The following TMPRSS7 variants were observed in gnomAD, a reference collection of about 807,000 sequenced individuals.
TMPRSS7 encodes the protein transmembrane serine protease 7, also known as transmembrane protease serine 7.
A neutral mutation model predicts 95.6 loss-of-function variants in TMPRSS7; 81 were observed. That is an observed-to-expected ratio of 0.85 (90% CI 0.71 to 1.02). The LOEUF is 1.02. TMPRSS7 is among the 50% of genes least tolerant of loss of function. The pLI is 0.00. For missense variants in TMPRSS7, 945 were observed against 955.2 expected, an observed-to-expected ratio of 0.99 and a Z score of 0.14; for synonymous variants, 364 against 337.8, an observed-to-expected ratio of 1.08 and a Z score of -0.85.
intron 13 of TMPRSS7, among the ~76,000 whole-genome samples, chr3:112,067,552 G>A (rs914812594): frequency 6.6e-6 from 1 of 152,192 alleles, no homozygotes; most frequent in Non-Finnish European, 1.5e-5. Context: ...TCTCATTGTG[G>A]TTTTGATTTT....
At chr3:112,054,035 C>A (rs558097319) in intron 9 of TMPRSS7, among the ~76,000 whole-genome samples, 3 of 152,328 alleles carry the variant, frequency 2.0e-5, no homozygotes, top group Admixed American at 2.0e-4. Flanking sequence ...CCATGTAAGT[C>A]ACCTCCTTAT....
intron 11 of TMPRSS7, 60 bp downstream of exon 11, chr3:112,061,983 TA>T (rs1399267725): frequency 7.3e-7 from 1 of 1,365,788 alleles, no homozygotes; most frequent in African/African-American, 1.5e-5. Context: ...TAACATTTTA[TA>T]ATTCCAAACC....
intron 15 of TMPRSS7, among the ~76,000 whole-genome samples, chr3:112,076,172 T>G (rs951422940): frequency 6.6e-6 from 1 of 152,210 alleles, no homozygotes; most frequent in Non-Finnish European, 1.5e-5. Context: ...AGCAAATTAG[T>G]GACCAAAATT....
intron 12 of TMPRSS7, among the ~76,000 whole-genome samples, chr3:112,065,945 G>T (rs1453570832): frequency 6.6e-6 from 1 of 152,140 alleles, no homozygotes; most frequent in East Asian, 1.9e-4. Flanking sequence ...TCACATTCAT[G>T]AATTCATTCA....
intron 2 of TMPRSS7, among the ~76,000 whole-genome samples, chr3:112,041,468 C>G (rs2073207793): frequency 6.6e-6 from 1 of 152,196 alleles, no homozygotes; most frequent in Non-Finnish European, 1.5e-5. Context: ...TTCTCTCCCC[C>G]TCTACCCACT....
intron 10 of TMPRSS7, among the ~76,000 whole-genome samples, chr3:112,059,138 C>T (rs917773152): frequency 2.6e-5 from 4 of 152,058 alleles, no homozygotes; most frequent in Admixed American, 1.3e-4. Context: ...AGCTGGACTA[C>T]GGTATATGAA....
exon 16 of TMPRSS7, chr3:112,077,043 T>C (rs1410368687): frequency 6.2e-7 from 1 of 1,614,210 alleles, no homozygotes; most frequent in Admixed American, 1.7e-5. Flanking sequence ...CCTGAGACCC[T>C]GAAACAGCTC....
chr3:112,065,586 C>T (rs2073566915), intron 12 of TMPRSS7, among the ~76,000 whole-genome samples: 1 of 151,938 alleles, frequency 6.6e-6, no homozygotes, highest in South Asian at 2.1e-4. Flanking sequence ...TTTTTTGGAG[C>T]TATTCTCTAA....
At chr3:112,052,553 C>T (rs909843212) in intron 9 of TMPRSS7, among the ~76,000 whole-genome samples, 3 of 152,042 alleles carry the variant, frequency 2.0e-5, no homozygotes, top group African/African-American at 4.8e-5. Flanking sequence ...GCCAGGTTCT[C>T]AAGGCTTCAG....
Position 112,078,701 on chromosome 3 carries a change from A to G in TMPRSS7, c.2225-41A>G, listed in dbSNP as rs754024858. The G allele has an allele frequency of 8.1e-6, 13 of 1,612,390 alleles. No homozygotes were observed. The South Asian group carries it at 1.3e-4, about 16-fold the overall frequency. On this transcript the variant is annotated intron_variant, in intron 16 of 17. Coordinates refer to ENST00000452346, the Ensembl canonical transcript of TMPRSS7. ...AATGAAGTCCTGAATACATGCGGCC[A>G]TTACCACTAACATCATTTCTACTTC...
exon 1 of TMPRSS7, chr3:112,034,863 C>T (rs1171722973): frequency 2.4e-5 from 17 of 702,678 alleles, no homozygotes; most frequent in South Asian, 5.9e-5. Flanking sequence ...AAGAAAACAG[C>T]GATGTTTCAG....
rs541209005 is a variant in TMPRSS7, at chr3:112,069,511, T to C, written c.1666+3009T>C. ...ATTGCCTCAATTTCAGAGCCTGTTA[T>C]TGGTCTATTCAGAGATTCAACTTCT... On this transcript the variant is annotated intron_variant, in intron 13 of 17. Transcript: ENST00000452346. Among the ~76,000 whole-genome samples, 1,017 of 152,376 alleles carry C rather than the reference T, an allele frequency of 6.7e-3. 7 individuals carry two copies. Among genetic ancestry groups the C allele is most frequent in the African/African-American group, 0.024 (990 of 41,592 alleles).
Position 112,045,944 on chromosome 3 carries a change from G to C in TMPRSS7, c.691+1G>C. 6.5e-7 allele frequency: 1 copy of C among 1,545,436 alleles called. No individual in the cohort carries two copies. The stretch of plus-strand genomic sequence containing the variant: ...GACATGGACTCTGTGGTACTAAATG[G>C]TGATTGTTGGGTAATTTTCCTTTAG... On this transcript the variant is annotated splice_donor_variant, in intron 5 of 17. Coordinates refer to ENST00000452346, the Ensembl canonical transcript of TMPRSS7. LOFTEE classifies it high-confidence loss of function.
chr3:112,045,517 C>T (rs955762776), intron 4 of TMPRSS7, among the ~76,000 whole-genome samples: 2 of 152,176 alleles, frequency 1.3e-5, no homozygotes, highest in African/African-American at 4.8e-5. Context: ...TCCATGGAGA[C>T]GCAACTCTAC....
At chr3:112,050,644 T>C (rs1384240046) in intron 8 of TMPRSS7, 27 bp from the exon 9 acceptor site, 2 of 1,326,676 alleles carry the variant, frequency 1.5e-6, no homozygotes, top group South Asian at 2.9e-5. Flanking sequence ...CTGCAAATCA[T>C]TGTGTGTCAC....
intron 7 of TMPRSS7, among the ~76,000 whole-genome samples, chr3:112,048,446 T>G (rs1237022505): frequency 6.6e-6 from 1 of 152,242 alleles, no homozygotes; most frequent in Non-Finnish European, 1.5e-5. Context: ...AGCAAATTTC[T>G]GTTATATTTT....
intron 12 of TMPRSS7, among the ~76,000 whole-genome samples, chr3:112,063,842 A>G (rs1450184101): frequency 6.6e-6 from 1 of 152,218 alleles, no homozygotes; most frequent in Non-Finnish European, 1.5e-5. Context: ...CTGGGCTCAT[A>G]TGGGTGGCTC....
chr3:112,056,273 C>G (rs953353221), intron 9 of TMPRSS7, among the ~76,000 whole-genome samples: 6 of 152,070 alleles, frequency 3.9e-5, no homozygotes, highest in Non-Finnish European at 7.4e-5. Context: ...ATTTAAGGCA[C>G]TATAAATGAT....
At chr3:112,076,824 T>C (rs2073714771) in intron 15 of TMPRSS7, 52 bp from the exon 16 acceptor site, 8 of 1,581,996 alleles carry the variant, frequency 5.1e-6, no homozygotes, top group South Asian at 1.2e-5. Flanking sequence ...GTTTGCAAAC[T>C]GTATGTGGTT....
Sources: allele counts gnomAD v4.1 joint callset (sites outside exome capture counted in the v4.1 genomes callset), GRCh38; gene constraint gnomAD v4.1.1; transcripts MANE v1.5; gene names NCBI Gene and HGNC (gene_info 2026-07-23, HGNC 2026-07-21).